Variants in DRC11 observed in about 807,000 individuals in gnomAD.
DRC11 encodes dynein regulatory complex subunit 11.
At chr2:236,407,074 A>G in the DRC11 span, among the ~76,000 whole-genome samples, 12 of 152,282 alleles carry the variant, frequency 7.9e-5, no homozygotes, top group South Asian at 2.5e-3. Flanking sequence ...GCTTGCATTT[A>G]GCTCGTCATT....
At chr2:236,355,172 G>GC in the DRC11 span, among the ~76,000 whole-genome samples, 1 of 152,200 alleles carries the variant, frequency 6.6e-6, no homozygotes, top group African/African-American at 2.4e-5. Context: ...GGCCTCGTTG[G>GC]CCGTACAGAC....
the DRC11 span, among the ~76,000 whole-genome samples, chr2:236,443,376 C>T: frequency 6.6e-6 from 1 of 152,086 alleles, no homozygotes; most frequent in Non-Finnish European, 1.5e-5. The surrounding 1 kb of genome is among the most constrained non-coding windows in gnomAD (Gnocchi z 4.4). Flanking sequence ...CATGTGTCCA[C>T]GTATGTTGAT....
At chr2:236,414,988 C>G in the DRC11 span, among the ~76,000 whole-genome samples, 1 of 152,140 alleles carries the variant, frequency 6.6e-6, no homozygotes, top group Non-Finnish European at 1.5e-5. Flanking sequence ...TTCAGCAGTT[C>G]TCATGACTTT....
chr2:236,342,070 C>T, the DRC11 span, among the ~76,000 whole-genome samples: 1 of 152,186 alleles, frequency 6.6e-6, no homozygotes, highest in South Asian at 2.1e-4. The surrounding 1 kb of genome is among the most constrained non-coding windows in gnomAD (Gnocchi z 5.8). Flanking sequence ...GGTGAGCTTC[C>T]TGCCTCTTAT....
the DRC11 span, among the ~76,000 whole-genome samples, chr2:236,460,419 G>C: frequency 6.6e-6 from 1 of 152,218 alleles, no homozygotes; most frequent in African/African-American, 2.4e-5. This position sits in a 1 kb window ranked among gnomAD's most constrained non-coding sequence, Gnocchi z 4.0. Context: ...CCTCAGGTGG[G>C]GAAGCAACTC....
At chr2:236,422,885 A>G in the DRC11 span, among the ~76,000 whole-genome samples, 1 of 152,024 alleles carries the variant, frequency 6.6e-6, no homozygotes, top group Non-Finnish European at 1.5e-5. Flanking sequence ...CAGAGCCCTC[A>G]GAAATAATGC....
At chr2:236,357,029 AT>A in the DRC11 span, among the ~76,000 whole-genome samples, 4 of 86,754 alleles carry the variant, frequency 4.6e-5, no homozygotes, top group South Asian at 3.1e-4. Context: ...ATATCTATAT[AT>A]TTATATATTC....
At chr2:236,345,631 G>T in the DRC11 span, among the ~76,000 whole-genome samples, 2 of 152,136 alleles carry the variant, frequency 1.3e-5, no homozygotes, top group Non-Finnish European at 2.9e-5. Flanking sequence ...GAGCCCCTCT[G>T]GACAAGCAGG....
chr2:236,358,214 ATAT>A, the DRC11 span, among the ~76,000 whole-genome samples: 1 of 125,236 alleles, frequency 8.0e-6, no homozygotes, highest in Admixed American at 8.6e-5. Context: ...CTATATGAAT[ATAT>A]TATATACTGT....
the DRC11 span, among the ~76,000 whole-genome samples, chr2:236,459,616 A>ATAC: frequency 3.1e-5 from 4 of 130,874 alleles, no homozygotes; most frequent in African/African-American, 1.1e-4. Flanking sequence ...TACGTATATA[A>ATAC]GTATATACAT....
the DRC11 span, among the ~76,000 whole-genome samples, chr2:236,345,217 C>T: frequency 6.6e-6 from 1 of 152,122 alleles, no homozygotes; most frequent in Admixed American, 6.5e-5. Context: ...CCTGCTCTCC[C>T]CGTGCGGCTC....
chr2:236,409,950 G>A, the DRC11 span, among the ~76,000 whole-genome samples: 1 of 152,248 alleles, frequency 6.6e-6, no homozygotes, highest in Non-Finnish European at 1.5e-5. Context: ...TGCATTCCAG[G>A]GATGAAACCC....
the DRC11 span, among the ~76,000 whole-genome samples, chr2:236,436,054 C>T: frequency 2.6e-5 from 4 of 152,168 alleles, no homozygotes; most frequent in Non-Finnish European, 2.9e-5. Flanking sequence ...TTCCCACATG[C>T]ACACCAACTC....
At chr2:236,340,254 A>T in the DRC11 span, among the ~76,000 whole-genome samples, 18 of 152,194 alleles carry the variant, frequency 1.2e-4, no homozygotes, top group African/African-American at 3.1e-4. Context: ...CCTCCTGAGT[A>T]GCTGGGATTA....
At chr2:236,481,563 G>C in the DRC11 span, among the ~76,000 whole-genome samples, 1 of 152,130 alleles carries the variant, frequency 6.6e-6, no homozygotes, top group African/African-American at 2.4e-5. Context: ...CTGTTGGGGG[G>C]AGTGAAGCCA....
At chr2:236,460,550 C>A in the DRC11 span, among the ~76,000 whole-genome samples, 1 of 152,048 alleles carries the variant, frequency 6.6e-6, no homozygotes, top group Non-Finnish European at 1.5e-5. The surrounding 1 kb of genome is among the most constrained non-coding windows in gnomAD (Gnocchi z 4.0). Flanking sequence ...TAAAATCAAC[C>A]CAAATAGATG....
At chr2:236,486,450 A>T in the DRC11 span, among the ~76,000 whole-genome samples, 1 of 151,710 alleles carries the variant, frequency 6.6e-6, no homozygotes, top group East Asian at 1.9e-4. The surrounding 1 kb of genome is among the most constrained non-coding windows in gnomAD (Gnocchi z 5.7). Context: ...CCACCTTTCC[A>T]TCTCTATGAT....
the DRC11 span, among the ~76,000 whole-genome samples, chr2:236,481,777 T>A: frequency 6.6e-6 from 1 of 151,984 alleles, no homozygotes; most frequent in African/African-American, 2.4e-5. Context: ...TGTGCATGGA[T>A]GTGTGTATAT....
chr2:236,424,879 T>C, the DRC11 span, among the ~76,000 whole-genome samples: 1 of 152,122 alleles, frequency 6.6e-6, no homozygotes, highest in East Asian at 1.9e-4. Context: ...AAATTGTTTT[T>C]TTAGATTTTA....
Sources: gnomAD v4.1 joint callset for allele counts (sites outside exome capture counted in the v4.1 genomes callset) on GRCh38, gnomAD v4.1.1 for gene constraint, Gnocchi (gnomAD v3.1) non-coding constraint, MANE v1.5 for transcripts, NCBI Gene and HGNC (gene_info 2026-07-23, HGNC 2026-07-21) for gene names.